Variants in YIPF5 observed in about 807,000 individuals in gnomAD.
YIPF5 encodes protein YIPF5.
In YIPF5, 8 loss-of-function variants were observed where a neutral mutation model predicts 30.4. The observed-to-expected ratio is 0.26, with a 90% confidence interval of 0.15 to 0.47. The LOEUF (loss-of-function observed/expected upper bound fraction) is 0.47, where lower values mean the gene tolerates loss of function less well. YIPF5 is among the 20% of genes least tolerant of loss of function. YIPF5 has a pLI of 0.99. For synonymous variants in YIPF5, 104 were observed against 107.9 expected, an observed-to-expected ratio of 0.96 and a Z score of 0.23; for missense variants, 282 against 301.8, an observed-to-expected ratio of 0.93 and a Z score of 0.49.
At chr5:144,163,472 G>A (rs369173489) in intron 4 of YIPF5, among the ~76,000 whole-genome samples, 3 of 152,118 alleles carry the variant, frequency 2.0e-5, no homozygotes, top group African/African-American at 7.2e-5. Context: ...TTCTATGAGA[G>A]GAAACTGAAG....
chr5:144,160,839 T>C (rs916782297), intron 5 of YIPF5, among the ~76,000 whole-genome samples: 4 of 152,130 alleles, frequency 2.6e-5, no homozygotes, highest in Non-Finnish European at 5.9e-5. Flanking sequence ...ACTACTGACA[T>C]TTGGGCTGGA....
In YIPF5 at chr5:144,165,332, A is replaced by AT. The variant is rs1010013804; in HGVS notation, c.283+99dup. On this transcript the variant is annotated intron_variant, in intron 3 of 5. Coordinates refer to ENST00000274496, the MANE Select transcript of YIPF5 (RefSeq NM_030799.9). ...AGCAGAAAACTTTTTTCTACAGATT[A>AT]TTTTTTTTAAAGGAAAAGACAATTT... 67 of 1,466,352 alleles carry AT rather than the reference A, an allele frequency of 4.6e-5. 1 individual carries two copies. In the Middle Eastern group the frequency reaches 6.7e-4, roughly 15 times the overall value. 90.8% of individuals were successfully genotyped at this position (1,466,352 alleles called of 1,614,324 possible).
chr5:144,158,914 T>TAA lies in YIPF5; in HGVS notation c.*1481_*1482dup, dbSNP rs11370080. ...TTTCTATTTAGTCTGAAAATCTCTTTAAAAAAAAAAAAAAGGCAGTATTTT... is the reference window on the plus strand; with the variant it reads ...TTTCTATTTAGTCTGAAAATCTCTTTAAAAAAAAAAAAAAAAGGCAGTATTTT... On this transcript the variant is annotated 3_prime_UTR_variant, in exon 6 of 6. Coordinates refer to ENST00000274496, the MANE Select transcript of YIPF5 (RefSeq NM_030799.9). 886 of 836,252 alleles carry TAA rather than the reference T, an allele frequency of 1.1e-3. No individual in the cohort carries two copies. The highest frequency in any genetic ancestry group is 7.8e-3 in the African/African-American group (414 of 52,926). The allele number at this position is 836,252 out of a possible 1,614,324, so 51.8% of individuals were successfully genotyped here. A position where few individuals can be genotyped will look rare whatever the true frequency, so the allele number is the denominator to read the frequency against.
intron 2 of YIPF5, among the ~76,000 whole-genome samples, chr5:144,169,642 G>A (rs1752305629): frequency 1.3e-5 from 2 of 152,186 alleles, no homozygotes; most frequent in Admixed American, 6.5e-5. Flanking sequence ...AGAGTTTGCA[G>A]AAGACACTCA....
Position 144,159,993 on chromosome 5 carries a change from C to G in YIPF5, c.*404G>C. 3.0e-6 allele frequency: 3 copies of G among 987,434 alleles called. No individual in the cohort carries two copies. The highest frequency in any genetic ancestry group is 3.6e-6 in the Non-Finnish European group (3 of 831,340). The allele number at this position is 987,434 out of a possible 1,614,324, so 61.2% of individuals were successfully genotyped here. A position where few individuals can be genotyped will look rare whatever the true frequency, so the allele number is the denominator to read the frequency against. ...AAAGTGCTGGGATTACAGGCGTGAG[C>G]TACCACGCCCGGCCGTCTTGTGTCT... On this transcript the variant is annotated 3_prime_UTR_variant, in exon 6 of 6. Transcript: ENST00000274496.
rs1751988345 is a variant in YIPF5, at chr5:144,160,004, G to A, written c.*393C>T. The stretch of plus-strand genomic sequence containing the variant: ...ATTACAGGCGTGAGCTACCACGCCC[G>A]GCCGTCTTGTGTCTTCTTTACTGTG... On this transcript the variant is annotated 3_prime_UTR_variant, in exon 6 of 6. Transcript: ENST00000274496. The A allele has an allele frequency of 2.0e-6, 2 of 988,578 alleles. No homozygotes were observed. The highest frequency in any genetic ancestry group is 2.4e-6 in the Non-Finnish European group (2 of 832,308). The allele number at this position is 988,578 out of a possible 1,614,324, so 61.2% of individuals were successfully genotyped here. A position where few individuals can be genotyped will look rare whatever the true frequency, so the allele number is the denominator to read the frequency against.
At chr5:144,167,618 C>T (rs1430342751) in intron 2 of YIPF5, among the ~76,000 whole-genome samples, 3 of 152,170 alleles carry the variant, frequency 2.0e-5, no homozygotes, top group Non-Finnish European at 2.9e-5. Flanking sequence ...TATAACTCAA[C>T]AGATTATGAT....
rs17101607 is a variant in YIPF5 at position 144,159,025 on chromosome 5, G to C, written c.*1372C>G. On this transcript the variant is annotated 3_prime_UTR_variant, in exon 6 of 6. Coordinates refer to ENST00000274496, the MANE Select transcript of YIPF5 (RefSeq NM_030799.9). ...TTTTTCTAGAAAAAGCCAATGATCA[G>C]TATACAAGATACAGTATTTTCCTAC... 0.17 allele frequency: 169,509 copies of C among 981,234 alleles called. 15,053 individuals carry two copies. The highest frequency in any genetic ancestry group is 0.36 in the East Asian group (3,143 of 8,750). The allele number at this position is 981,234 out of a possible 1,614,324, so 60.8% of individuals were successfully genotyped here.
chr5:144,160,568 A>T lies in YIPF5; in HGVS notation c.612-9T>A. 1 of 1,604,100 alleles carries T rather than the reference A, an allele frequency of 6.2e-7. No homozygotes were observed. Among genetic ancestry groups the T allele is most frequent in the Non-Finnish European group, 8.5e-7 (1 of 1,175,424 alleles). On this transcript the variant is annotated splice_polypyrimidine_tract_variant and intron_variant, in intron 5 of 5. Coordinates refer to ENST00000274496, the MANE Select transcript of YIPF5 (RefSeq NM_030799.9). The stretch of plus-strand genomic sequence containing the variant: ...TGATTCCTACCATTCCTCTGTAAAC[A>T]ACAAGGAAAAAGGGGGGAGAAGAAA...
intron 4 of YIPF5, 123 bp downstream of exon 4, chr5:144,163,988 C>T (rs1321322306): frequency 9.3e-6 from 11 of 1,184,952 alleles, no homozygotes; most frequent in Non-Finnish European, 1.3e-5. Flanking sequence ...CAACTCAGTA[C>T]TATTCCAAAC....
At chr5:144,161,546 A>G (rs1752046725) in intron 5 of YIPF5, among the ~76,000 whole-genome samples, 1 of 151,910 alleles carries the variant, frequency 6.6e-6, no homozygotes, top group South Asian at 2.1e-4. Context: ...GGGTTTCTTC[A>G]TGCTGGTCAG....
In YIPF5 at chr5:144,160,296, C is replaced by T; in HGVS notation, c.*101G>A. On this transcript the variant is annotated 3_prime_UTR_variant, in exon 6 of 6. Coordinates refer to ENST00000274496, the MANE Select transcript of YIPF5 (RefSeq NM_030799.9). The stretch of plus-strand genomic sequence containing the variant: ...ATTGCTCCAACAGTCAAATGTAAAT[C>T]TGCATGAGAGTTGCGCTGCAGCAGT... 1 of 1,512,264 alleles carries T rather than the reference C, an allele frequency of 6.6e-7. No individual in the cohort carries two copies. Among genetic ancestry groups the T allele is most frequent in the Non-Finnish European group, 8.8e-7 (1 of 1,131,182 alleles). 93.7% of individuals were successfully genotyped at this position (1,512,264 alleles called of 1,614,324 possible).
chr5:144,164,394 T>A (rs1304840692), intron 3 of YIPF5, 138 bp from the exon 4 acceptor site: 11 of 763,148 alleles, frequency 1.4e-5, no homozygotes, highest in Admixed American at 3.1e-5. Context: ...TTATTATTAT[T>A]ATAATTATTG....
chr5:144,164,944 C>A (rs12517835), intron 3 of YIPF5, among the ~76,000 whole-genome samples: 2 of 152,062 alleles, frequency 1.3e-5, no homozygotes, highest in Non-Finnish European at 2.9e-5. Flanking sequence ...AACTACGTCT[C>A]TATGCATATG....
At chr5:144,166,900 TATG>T (rs1752217897) in intron 2 of YIPF5, among the ~76,000 whole-genome samples, 2 of 152,168 alleles carry the variant, frequency 1.3e-5, no homozygotes, top group South Asian at 4.1e-4. Context: ...TGATGAATAA[TATG>T]ATGACTACTA....
intron 3 of YIPF5, 34 bp downstream of exon 3, chr5:144,165,398 A>G (rs1429372354): frequency 1.9e-6 from 3 of 1,607,462 alleles, no homozygotes; most frequent in Non-Finnish European, 1.7e-6. Flanking sequence ...GCTGAATACT[A>G]TTGAGTACTA....
intron 5 of YIPF5, among the ~76,000 whole-genome samples, 171 bp from the exon 6 acceptor site, chr5:144,160,730 TCA>T (rs1432001716): frequency 6.6e-6 from 1 of 152,106 alleles, no homozygotes; most frequent in Non-Finnish European, 1.5e-5. Flanking sequence ...AAAATGTACC[TCA>T]CAGTAAATTC....
Position 144,158,221 on chromosome 5 carries a change from T to C in YIPF5, c.*2176A>G. The C allele has an allele frequency of 3.2e-6, 1 of 314,240 alleles. No individual in the cohort carries two copies. Among genetic ancestry groups the C allele is most frequent in the Non-Finnish European group, 5.9e-6 (1 of 168,882 alleles). 19.5% of individuals were successfully genotyped at this position (314,240 alleles called of 1,614,324 possible). A position where few individuals can be genotyped will look rare whatever the true frequency, so the allele number is the denominator to read the frequency against. ...ATATAAATATGCCTACATAACAGAG[T>C]TTGATAAGAGAAGTTTTGGCTATAT... On this transcript the variant is annotated 3_prime_UTR_variant, in exon 6 of 6. Coordinates refer to ENST00000274496, the MANE Select transcript of YIPF5 (RefSeq NM_030799.9).
intron 2 of YIPF5, 122 bp from the exon 3 acceptor site, chr5:144,165,726 CAA>C (rs1752184521): frequency 2.2e-6 from 2 of 913,162 alleles, no homozygotes; most frequent in South Asian, 4.5e-5. Flanking sequence ...TCCTCAGGTA[CAA>C]ACTTTGCCAA....
Sources: gnomAD v4.1 joint callset for allele counts (sites outside exome capture counted in the v4.1 genomes callset) on GRCh38, gnomAD v4.1.1 for gene constraint, MANE v1.5 for transcripts, NCBI Gene and HGNC (gene_info 2026-07-23, HGNC 2026-07-21) for gene names.